Variants in BNC2 observed in about 807,000 individuals in gnomAD.
The protein encoded by BNC2 is zinc finger protein basonuclin-2.
BNC2 carries 20 observed loss-of-function variants against 76.3 expected under a neutral mutation model. The observed-to-expected ratio is 0.26, with a 90% CI of 0.18 to 0.38. The LOEUF (loss-of-function observed/expected upper bound fraction) is 0.38, where lower values mean the gene tolerates loss of function less well. Ranked by LOEUF, BNC2 falls within the 10% of genes least tolerant of loss-of-function variation. The probability of loss-of-function intolerance (pLI) is 1.00; values close to 1 mark genes in which losing one functional copy is unlikely to be tolerated. For synonymous variants in BNC2, 582 were observed against 514.8 expected, an observed-to-expected ratio of 1.13 and a Z score of -1.77; for missense variants, 1,382 against 1,399.8, an observed-to-expected ratio of 0.99 and a Z score of 0.20.
At chr9:16,507,620 G>A (rs1587111240) in intron 5 of BNC2, among the ~76,000 whole-genome samples, 1 of 152,036 alleles carries the variant, frequency 6.6e-6, no homozygotes, top group East Asian at 1.9e-4. Flanking sequence ...GTAGAGACAG[G>A]GTTTCATTAT....
intron 1 of BNC2, among the ~76,000 whole-genome samples, chr9:16,780,238 AAAAAAAAAAAAAAAAAAAC>A (rs1826101956): frequency 9.9e-6 from 1 of 100,870 alleles, no homozygotes; most frequent in Non-Finnish European, 1.8e-5. Context: ...TTCGTTTCAA[AAAAAAAAAAAAAAAAAAAC>A]AAAAAAAAAC....
intron 4 of BNC2, among the ~76,000 whole-genome samples, chr9:16,566,094 T>A (rs1338302789): frequency 6.6e-6 from 1 of 152,200 alleles, no homozygotes; most frequent in East Asian, 1.9e-4. Context: ...CCCGTTTCGA[T>A]TTATATTCTA....
chr9:16,838,753 A>G (rs1818761973), intron 1 of BNC2, among the ~76,000 whole-genome samples: 1 of 152,196 alleles, frequency 6.6e-6, no homozygotes, highest in Non-Finnish European at 1.5e-5. Flanking sequence ...AGTTGCTCTT[A>G]GGTAAAATTG....
chr9:16,753,341 T>C (rs920229096), intron 1 of BNC2, among the ~76,000 whole-genome samples: 3 of 152,214 alleles, frequency 2.0e-5, no homozygotes, highest in Non-Finnish European at 2.9e-5. Context: ...TAAATCATTA[T>C]TAAATAACTG....
rs572066100 is a variant in BNC2 at position 16,610,099 on chromosome 9, T to A, written c.331-27014A>T. On this transcript the variant is annotated intron_variant, in intron 3 of 6. Coordinates refer to ENST00000380672, the MANE Select transcript of BNC2 (RefSeq NM_017637.6). The stretch of plus-strand genomic sequence containing the variant: ...AAAGGAAAGGCCCAGCAACATAATA[T>A]AGATATCACACAATGCAGTGATGAG... Among the ~76,000 whole-genome samples the A allele has an allele frequency of 7.3e-5, 11 of 151,230 alleles. 1 individual carries two copies. In the South Asian group the frequency reaches 2.3e-3, roughly 32 times the overall value.
intron 1 of BNC2, among the ~76,000 whole-genome samples, chr9:16,766,427 G>C (rs938722360): frequency 6.6e-6 from 1 of 152,078 alleles, no homozygotes; most frequent in African/African-American, 2.4e-5. Flanking sequence ...CCTCAAATCT[G>C]CCCCACTGCC....
intron 1 of BNC2, among the ~76,000 whole-genome samples, chr9:16,806,350 G>A (rs550561601): frequency 6.6e-6 from 1 of 152,082 alleles, no homozygotes; most frequent in Admixed American, 6.6e-5. Flanking sequence ...CTGGGTGACA[G>A]AGTGAGGCTT....
At chr9:16,467,335 T>C (rs1174292676) in intron 5 of BNC2, among the ~76,000 whole-genome samples, 10 of 147,632 alleles carry the variant, frequency 6.8e-5, no homozygotes, top group African/African-American at 2.3e-4. Flanking sequence ...TTACTGGGTA[T>C]ATACCCAAAG....
At chr9:16,428,779 T>C (rs1820849714) in intron 6 of BNC2, among the ~76,000 whole-genome samples, 1 of 151,970 alleles carries the variant, frequency 6.6e-6, no homozygotes, top group Non-Finnish European at 1.5e-5. Context: ...ATAAACTCTA[T>C]AAAGTACTAG....
intron 5 of BNC2, among the ~76,000 whole-genome samples, chr9:16,503,676 C>G (rs933919364): frequency 6.6e-6 from 1 of 152,158 alleles, no homozygotes; most frequent in Non-Finnish European, 1.5e-5. Context: ...TAAGGCATAT[C>G]TCAACTTTTT....
chr9:16,809,507 C>G (rs1817993998), intron 1 of BNC2, among the ~76,000 whole-genome samples: 1 of 152,064 alleles, frequency 6.6e-6, no homozygotes, highest in Non-Finnish European at 1.5e-5. Context: ...CTTTTATTTC[C>G]ACACCAGCTT....
rs908238607 is a variant in BNC2, at chr9:16,575,249, G to A, written c.433+7734C>T. The A allele has an allele frequency of 5.1e-6, 5 of 984,808 alleles. No homozygotes were observed. The African/African-American group carries it at 7.0e-5, about 14-fold the overall frequency. 61.0% of individuals were successfully genotyped at this position (984,808 alleles called of 1,614,324 possible). A position where few individuals can be genotyped will look rare whatever the true frequency, so the allele number is the denominator to read the frequency against. On this transcript the variant is annotated intron_variant, in intron 4 of 6. Coordinates refer to ENST00000380672, the MANE Select transcript of BNC2 (RefSeq NM_017637.6). ...CAAGAACAACATTCTTACCTATTTTGTATATTGCCTCCCATTCATTCACCC... is the reference window on the plus strand; with the variant it reads ...CAAGAACAACATTCTTACCTATTTTATATATTGCCTCCCATTCATTCACCC...
chr9:16,645,699 A>C, intron 3 of BNC2, among the ~76,000 whole-genome samples: 1 of 152,234 alleles, frequency 6.6e-6, no homozygotes, highest in East Asian at 1.9e-4. Flanking sequence ...AACAGTATTA[A>C]CATAAACAGG....
intron 5 of BNC2, among the ~76,000 whole-genome samples, chr9:16,536,057 G>C (rs1818121328): frequency 6.6e-6 from 1 of 152,044 alleles, no homozygotes; most frequent in African/African-American, 2.4e-5. Flanking sequence ...GCTCACTGCA[G>C]ATATGCCCAG....
intron 4 of BNC2, among the ~76,000 whole-genome samples, chr9:16,558,658 C>T (rs376585378): frequency 1.3e-5 from 2 of 152,106 alleles, no homozygotes; most frequent in African/African-American, 4.8e-5. Flanking sequence ...ACGTCAGGTG[C>T]GGTGGCTCAT....
Position 16,541,841 on chromosome 9 carries a change from T to C in BNC2, c.669+10689A>G, listed in dbSNP as rs12684989. 3.6e-4 allele frequency among the ~76,000 whole-genome samples: 55 copies of C among 152,278 alleles called. No individual in the cohort carries two copies. In the East Asian group the frequency reaches 6.4e-3, roughly 18 times the overall value. ...CCATAAACCAATATTGTCACTGATC[T>C]GTGTTCCAAACATTCTCCTATTTAT... is the stretch of plus-strand genomic sequence containing the variant. On this transcript the variant is annotated intron_variant, in intron 5 of 6. Coordinates refer to ENST00000380672, the MANE Select transcript of BNC2 (RefSeq NM_017637.6).
At chr9:16,867,859 A>G (rs1202539323) in intron 1 of BNC2, 1 of 152,230 alleles carries the variant, frequency 6.6e-6, no homozygotes, top group Non-Finnish European at 1.5e-5. Flanking sequence ...CAAATGAGAA[A>G]ACTGTGGGGA....
chr9:16,597,852 G>C (rs1204857775), intron 3 of BNC2, among the ~76,000 whole-genome samples: 1 of 151,906 alleles, frequency 6.6e-6, no homozygotes, highest in Non-Finnish European at 1.5e-5. Context: ...ATCGTATAAA[G>C]ATGATATTCT....
intron 5 of BNC2, among the ~76,000 whole-genome samples, chr9:16,478,132 C>A (rs10962438): frequency 2.0e-4 from 30 of 152,150 alleles, no homozygotes; most frequent in Admixed American, 1.3e-4. Flanking sequence ...TTCCACTGGG[C>A]TGAAATCTGC....
Sources: allele counts gnomAD v4.1 joint callset (sites outside exome capture counted in the v4.1 genomes callset), GRCh38; gene constraint gnomAD v4.1.1; transcripts MANE v1.5; gene names NCBI Gene and HGNC (gene_info 2026-07-23, HGNC 2026-07-21).